Variants in FBXW2 observed in about 807,000 individuals in gnomAD.
The protein encoded by FBXW2 is F-box/WD repeat-containing protein 2.
FBXW2 carries 12 observed loss-of-function variants against 46.0 expected under a neutral mutation model. That is an observed-to-expected ratio of 0.26 (90% confidence interval 0.17 to 0.42). The LOEUF (loss-of-function observed/expected upper bound fraction) is 0.42. FBXW2 is among the 10% of genes least tolerant of loss of function. The pLI is 1.00. For missense variants in FBXW2, 360 were observed against 537.0 expected, an observed-to-expected ratio of 0.67 and a Z score of 3.26; for synonymous variants, 203 against 209.6, an observed-to-expected ratio of 0.97 and a Z score of 0.27.
In FBXW2 at chr9:120,787,176, A is replaced by C. The variant is rs962139036; in HGVS notation, c.490+593T>G. Among the ~76,000 whole-genome samples the C allele has an allele frequency of 9.2e-5, 14 of 152,284 alleles. No homozygotes were observed. The South Asian group carries it at 1.2e-3, about 14-fold the overall frequency. The stretch of plus-strand genomic sequence containing the variant: ...CCCGAGTAGCTGGGATTATAGGCGC[A>C]TGCCGCCACGCCCGGCTACTTTTTC... On this transcript the variant is annotated intron_variant, in intron 3 of 7. Coordinates refer to ENST00000608872, the MANE Select transcript of FBXW2 (RefSeq NM_012164.4).
In FBXW2 at chr9:120,761,448, T is replaced by C. The variant is rs1293929791; in HGVS notation, c.*3111A>G. 15 of 152,156 alleles carry C rather than the reference T, an allele frequency of 9.9e-5. No individual in the cohort carries two copies. The allele number at this position is 152,156 out of a possible 1,614,324, so 9.4% of individuals were successfully genotyped here. A position where few individuals can be genotyped will look rare whatever the true frequency, so the allele number is the denominator to read the frequency against. On this transcript the variant is annotated 3_prime_UTR_variant, in exon 8 of 8. Transcript: ENST00000608872. The stretch of plus-strand genomic sequence containing the variant: ...ATATTCACAAAAGAGGGAAAGGCAA[T>C]TCCCTTACCTATGCGCTAAGGAAGC...
chr9:120,766,058 T>C, intron 7 of FBXW2, among the ~76,000 whole-genome samples: 1 of 152,244 alleles, frequency 6.6e-6, no homozygotes, highest in East Asian at 1.9e-4. Context: ...AGTAGACAAA[T>C]ACTGCTCTGT....
chr9:120,778,032 G>A (rs13300027), intron 4 of FBXW2, among the ~76,000 whole-genome samples: 19,119 of 151,286 alleles, frequency 0.13, 1,319 homozygotes, highest in Middle Eastern at 0.17. Flanking sequence ...AAAAGCCAAG[G>A]GACTGTCTGT....
intron 2 of FBXW2, chr9:120,792,768 A>G: frequency 1.3e-6 from 1 of 766,590 alleles, no homozygotes; most frequent in Non-Finnish European, 1.9e-6. Context: ...CAGTGCAAGT[A>G]AAGCGTTTAG....
intron 5 of FBXW2, among the ~76,000 whole-genome samples, chr9:120,775,647 C>G (rs1427099367): frequency 6.6e-6 from 1 of 152,108 alleles, no homozygotes; most frequent in Non-Finnish European, 1.5e-5. Context: ...AGATCCTGTA[C>G]AGTTTTCTTT....
chr9:120,769,622 C>T (rs1198677354), intron 7 of FBXW2, among the ~76,000 whole-genome samples: 1 of 152,196 alleles, frequency 6.6e-6, no homozygotes, highest in Admixed American at 6.5e-5. Context: ...GTGATTTTCC[C>T]ATGGTGATTA....
chr9:120,771,653 A>G, intron 6 of FBXW2, 136 bp from the exon 7 acceptor site: 1 of 689,426 alleles, frequency 1.5e-6, no homozygotes, highest in Non-Finnish European at 2.4e-6. Flanking sequence ...ATAGCCAAGA[A>G]TCACAGGTTC....
intron 5 of FBXW2, 87 bp downstream of exon 5, chr9:120,776,006 C>G: frequency 5.9e-6 from 9 of 1,516,328 alleles, no homozygotes; most frequent in Non-Finnish European, 8.1e-6. Flanking sequence ...TATGACTCAC[C>G]TAACACTTAT....
chr9:120,763,680 T>C lies in FBXW2; in HGVS notation c.*879A>G, dbSNP rs1450303485. On this transcript the variant is annotated 3_prime_UTR_variant, in exon 8 of 8. Coordinates refer to ENST00000608872, the MANE Select transcript of FBXW2 (RefSeq NM_012164.4). Reference sequence around the variant, plus strand: ...CAGACAAAAATACATGATCAACTTTTACACATTTCAGTAGGTGAAGGACCA... The same window carrying C: ...CAGACAAAAATACATGATCAACTTTCACACATTTCAGTAGGTGAAGGACCA... 1 of 152,240 alleles carries C rather than the reference T, an allele frequency of 6.6e-6. No homozygotes were observed. Among genetic ancestry groups the C allele is most frequent in the East Asian group, 1.9e-4 (1 of 5,204 alleles). The allele number at this position is 152,240 out of a possible 1,614,324, so 9.4% of individuals were successfully genotyped here. A position where few individuals can be genotyped will look rare whatever the true frequency, so the allele number is the denominator to read the frequency against.
chr9:120,778,201 A>T, intron 4 of FBXW2, 150 bp downstream of exon 4: 1 of 752,110 alleles, frequency 1.3e-6, no homozygotes, highest in Non-Finnish European at 2.1e-6. Context: ...AATAAGAGTA[A>T]CTAGAATAAA....
chr9:120,766,639 A>G (rs2131283631), intron 7 of FBXW2, among the ~76,000 whole-genome samples: 1 of 151,910 alleles, frequency 6.6e-6, no homozygotes, highest in Non-Finnish European at 1.5e-5. Flanking sequence ...TAATTTTTGT[A>G]TTTTTAGTAG....
chr9:120,788,287 C>T lies in FBXW2; in HGVS notation c.-20-9G>A, dbSNP rs959511069. 5.0e-6 allele frequency: 8 copies of T among 1,605,682 alleles called. No individual in the cohort carries two copies. Among genetic ancestry groups the T allele is most frequent in the Admixed American group, 1.7e-5 (1 of 59,630 alleles). On this transcript the variant is annotated splice_polypyrimidine_tract_variant and intron_variant, in intron 2 of 7. Coordinates refer to ENST00000608872, the MANE Select transcript of FBXW2 (RefSeq NM_012164.4). ...GTTATGGAAAAATTTACCTGTGGCACATCAAAATATTGTATTAGTTCTGCT... is the reference window on the plus strand; with the variant it reads ...GTTATGGAAAAATTTACCTGTGGCATATCAAAATATTGTATTAGTTCTGCT...
chr9:120,785,824 A>G lies in FBXW2; in HGVS notation c.490+1945T>C, dbSNP rs148604229. ...CACCTGAGGTCAGGAGTTTGAGACC[A>G]GCCTGGGCAACAAGGTGAAACTCCG... On this transcript the variant is annotated intron_variant, in intron 3 of 7. Coordinates refer to ENST00000608872, the MANE Select transcript of FBXW2 (RefSeq NM_012164.4). 6.0e-3 allele frequency among the ~76,000 whole-genome samples: 919 copies of G among 152,172 alleles called. 11 individuals carry two copies. The highest frequency in any genetic ancestry group is 0.051 in the East Asian group (265 of 5,164).
intron 2 of FBXW2, among the ~76,000 whole-genome samples, chr9:120,792,153 G>T (rs923818532): frequency 5.9e-5 from 9 of 152,124 alleles, no homozygotes; most frequent in African/African-American, 2.2e-4. Flanking sequence ...AATGGCACAG[G>T]AAGTAGCAGG....
At chr9:120,768,480 A>T (rs1175119081) in intron 7 of FBXW2, among the ~76,000 whole-genome samples, 1 of 152,220 alleles carries the variant, frequency 6.6e-6, no homozygotes, top group Non-Finnish European at 1.5e-5. Flanking sequence ...TAAAGAATAA[A>T]GTAGTGGTGA....
rs1374999129 is a variant in FBXW2, at chr9:120,764,124, G to A, written c.*435C>T. On this transcript the variant is annotated 3_prime_UTR_variant, in exon 8 of 8. Transcript: ENST00000608872. ...TAAACCCCGTGTGAGGAAAGTTGCT[G>A]TAACAACATCATAGCACCTTTGCTT... 1 of 335,512 alleles carries A rather than the reference G, an allele frequency of 3.0e-6. No individual in the cohort carries two copies. The highest frequency in any genetic ancestry group is 4.7e-5 in the East Asian group (1 of 21,420). The allele number at this position is 335,512 out of a possible 1,614,324, so 20.8% of individuals were successfully genotyped here.
intron 3 of FBXW2, among the ~76,000 whole-genome samples, chr9:120,780,321 C>T (rs2044584570): frequency 6.7e-6 from 1 of 148,546 alleles, no homozygotes; most frequent in Non-Finnish European, 1.5e-5. Context: ...CACCACTGCA[C>T]TCCAGCCTGG....
At position 120,778,308 on chromosome 9, in the gene FBXW2, G is replaced by C. The variant is rs1435256374; in HGVS notation, c.685+43C>G. On this transcript the variant is annotated intron_variant, in intron 4 of 7. Coordinates refer to ENST00000608872, the MANE Select transcript of FBXW2 (RefSeq NM_012164.4). ...ACATTCTTGGCTCCTGGCTTAAAAG[G>C]ATGAGGCTAAGTTGTAAAAACCCTT... 4 of 1,519,084 alleles carry C rather than the reference G, an allele frequency of 2.6e-6. No homozygotes were observed. The South Asian group carries it at 4.9e-5, about 19-fold the overall frequency. 94.1% of individuals were successfully genotyped at this position (1,519,084 alleles called of 1,614,324 possible). A position where few individuals can be genotyped will look rare whatever the true frequency, so the allele number is the denominator to read the frequency against.
At chr9:120,792,664 C>G (rs992046185) in intron 2 of FBXW2, 1 of 240,346 alleles carries the variant, frequency 4.2e-6, no homozygotes, top group African/African-American at 2.3e-5. Context: ...TGACCTTGGG[C>G]AAATCACTTC....
Sources: allele counts gnomAD v4.1 joint callset (sites outside exome capture counted in the v4.1 genomes callset), GRCh38; gene constraint gnomAD v4.1.1; transcripts MANE v1.5; gene names NCBI Gene and HGNC (gene_info 2026-07-23, HGNC 2026-07-21).